KY: variants seen among roughly 807,000 people sequenced by gnomAD.
KY encodes kyphoscoliosis peptidase.
In KY, 43 loss-of-function variants were observed where a neutral mutation model predicts 76.1. The ratio of observed to expected loss-of-function variants is 0.57; its 90% CI spans 0.44 to 0.73. The LOEUF is 0.73. Ranked by LOEUF, KY falls within the 30% of genes least tolerant of loss-of-function variation. KY has a pLI of 0.00. For synonymous variants in KY, 277 were observed against 326.2 expected, an observed-to-expected ratio of 0.85 and a Z score of 1.63; for missense variants, 722 against 828.9, an observed-to-expected ratio of 0.87 and a Z score of 1.58.
intron 7 of KY, 96 bp from the exon 8 acceptor site, chr3:134,619,361 C>T: frequency 1.2e-6 from 1 of 865,270 alleles, no homozygotes. Context: ...TCACCAGCCC[C>T]AGGAAACTAC....
intron 3 of KY, among the ~76,000 whole-genome samples, chr3:134,640,892 A>G (rs961755100): frequency 7.2e-5 from 11 of 152,076 alleles, no homozygotes; most frequent in Non-Finnish European, 5.9e-5. Flanking sequence ...CCCTCTGTTT[A>G]TTCTCTACGC....
intron 3 of KY, among the ~76,000 whole-genome samples, chr3:134,633,502 A>G (rs4437193): frequency 0.61 from 92,797 of 151,946 alleles, 28,966 homozygotes; most frequent in East Asian, 0.85. Context: ...AAGACAAACT[A>G]CTAGGATCAC....
chr3:134,635,668 C>T (rs1341026840), intron 3 of KY, among the ~76,000 whole-genome samples: 1 of 152,002 alleles, frequency 6.6e-6, no homozygotes, highest in Non-Finnish European at 1.5e-5. Flanking sequence ...GTGGTGGTTT[C>T]ACAAATCTAT....
rs1293168099 is a variant in KY at position 134,603,633 on chromosome 3, A to G, written c.1932T>C (p.Asn644=). The change falls in exon 11 of 11, where the codon AAT becomes AAC. Residue 644 remains asparagine, a synonymous_variant. Coordinates refer to ENST00000423778, the MANE Select transcript of KY (RefSeq NM_178554.6). ...CQEVYVMVLE[N]ANHNFYSYIL... ...TGTAGGAGTAGAAATTGTGGTTGGC[A>G]TTCTCCAGCACCATGACATAGACTT... 1.2e-6 allele frequency: 2 copies of G among 1,606,658 alleles called. No individual in the cohort carries two copies. Among genetic ancestry groups the G allele is most frequent in the African/African-American group, 2.7e-5 (2 of 74,710 alleles).
At chr3:134,608,135 C>T (rs1577590440) in intron 10 of KY, 1 of 1,134,204 alleles carries the variant, frequency 8.8e-7, no homozygotes, top group South Asian at 2.0e-5. Flanking sequence ...GGACCACCAA[C>T]ACCCAGATTC....
rs1375975219 is a variant in KY, at chr3:134,604,101, C to G, written c.1464G>C (p.Glu488Asp). The G allele has an allele frequency of 6.2e-7, 1 of 1,612,070 alleles. No individual in the cohort carries two copies. The highest frequency in any genetic ancestry group is 8.5e-7 in the Non-Finnish European group (1 of 1,178,912). ...GRCSISFSVE[E>D]GINVLASLHG... ...GGAGGGAAGCCAGGACATTAATGCCCTCCTCCACGCTGAAGCTGATGGAGC... is the reference window on the plus strand; with the variant it reads ...GGAGGGAAGCCAGGACATTAATGCCGTCCTCCACGCTGAAGCTGATGGAGC... The change falls in exon 11 of 11, where the codon GAG (glutamate) becomes GAC (aspartate). Residue 488 changes from glutamate to aspartate, a missense_variant. Glu to Asp is a conservative substitution (Grantham distance 45). Around this residue, in one of 2 missense-constraint regions of KY, gnomAD observed 552 missense variants for 680.9 expected, o/e 0.81. Transcript: ENST00000423778.
chr3:134,620,709 C>A (rs1189852871), intron 7 of KY, 40 bp downstream of exon 7: 1 of 1,440,212 alleles, frequency 6.9e-7, no homozygotes. Flanking sequence ...GGAATGGAAG[C>A]AAGGGATTCT....
Position 134,620,743 on chromosome 3 carries a change from G to C in KY, c.592+6C>G. 1 of 1,605,930 alleles carries C rather than the reference G, an allele frequency of 6.2e-7. No individual in the cohort carries two copies. The highest frequency in any genetic ancestry group is 8.5e-7 in the Non-Finnish European group (1 of 1,173,260). On this transcript the variant is annotated splice_donor_region_variant and intron_variant, in intron 7 of 10. Coordinates refer to ENST00000423778, the MANE Select transcript of KY (RefSeq NM_178554.6). ...CTAGAGCCAGAAATTCCACAGGGGG[G>C]CCTACCTATGTGATGGCAGATCCAG...
At chr3:134,630,693 G>A (rs1319008249) in intron 3 of KY, among the ~76,000 whole-genome samples, 1 of 152,210 alleles carries the variant, frequency 6.6e-6, no homozygotes, top group Non-Finnish European at 1.5e-5. Context: ...ACTGGGTGGT[G>A]CACATGCAGG....
At chr3:134,634,600 C>T (rs1303765075) in intron 3 of KY, among the ~76,000 whole-genome samples, 8 of 152,174 alleles carry the variant, frequency 5.3e-5, no homozygotes, top group Admixed American at 1.3e-4. Context: ...CAAGTTAAAA[C>T]CAAAATGAGA....
chr3:134,633,338 C>T (rs944623733), intron 3 of KY, among the ~76,000 whole-genome samples: 1 of 151,982 alleles, frequency 6.6e-6, no homozygotes, highest in Non-Finnish European at 1.5e-5. Flanking sequence ...TAAATGTAAA[C>T]ACAAAAATCT....
intron 8 of KY, among the ~76,000 whole-genome samples, chr3:134,614,635 C>G (rs1055603103): frequency 3.3e-5 from 5 of 152,106 alleles, no homozygotes. Context: ...AACCCTGAAG[C>G]TGCTGAGTCT....
chr3:134,636,949 A>G (rs946653744), intron 3 of KY, among the ~76,000 whole-genome samples: 57 of 152,218 alleles, frequency 3.7e-4, no homozygotes, highest in African/African-American at 1.4e-3. Flanking sequence ...TTGATTTTGT[A>G]AAACCTCCTT....
intron 7 of KY, 64 bp downstream of exon 7, chr3:134,620,685 G>T: frequency 8.7e-7 from 1 of 1,146,934 alleles, no homozygotes; most frequent in Non-Finnish European, 1.3e-6. Flanking sequence ...GCTGATAGGA[G>T]CAGAGGCCTG....
chr3:134,610,874 A>G (rs546863474), intron 8 of KY, among the ~76,000 whole-genome samples: 3 of 152,292 alleles, frequency 2.0e-5, no homozygotes. Flanking sequence ...GTCTCGTGAC[A>G]TGGGTGAGGT....
At chr3:134,613,522 C>T (rs991833185) in intron 8 of KY, among the ~76,000 whole-genome samples, 1 of 152,184 alleles carries the variant, frequency 6.6e-6, no homozygotes, top group African/African-American at 2.4e-5. Flanking sequence ...TGGTGGTCAC[C>T]TCTAGAGTGA....
intron 8 of KY, 191 bp from the exon 9 acceptor site, chr3:134,610,574 C>T (rs534647648): frequency 2.2e-5 from 13 of 586,064 alleles, no homozygotes; most frequent in Admixed American, 1.5e-4. Context: ...CAGGGAGATA[C>T]AGTGCTGGCT....
Position 134,601,996 on chromosome 3 carries a change from T to A in KY, c.*1583A>T, listed in dbSNP as rs1422316358. ...AGCATCTGGTACTTCTGTGAGCATTTGTTGGATACAGGGATGTGAGGGTGA... is the reference window on the plus strand; with the variant it reads ...AGCATCTGGTACTTCTGTGAGCATTAGTTGGATACAGGGATGTGAGGGTGA... On this transcript the variant is annotated 3_prime_UTR_variant, in exon 11 of 11. Transcript: ENST00000423778. Among the ~76,000 whole-genome samples the A allele has an allele frequency of 1.6e-5, 1 of 63,878 alleles. No individual in the cohort carries two copies. The highest frequency in any genetic ancestry group is 3.4e-5 in the Non-Finnish European group (1 of 29,512). The allele number at this position is 63,878 out of a possible 152,430, so 41.9% of individuals were successfully genotyped here.
chr3:134,640,700 T>C (rs2107988574), intron 3 of KY, among the ~76,000 whole-genome samples: 1 of 152,246 alleles, frequency 6.6e-6, no homozygotes, highest in African/African-American at 2.4e-5. Flanking sequence ...CAAAGCCAAA[T>C]TTGAATTCAT....
Sources: allele counts gnomAD v4.1 joint callset (sites outside exome capture counted in the v4.1 genomes callset), GRCh38; gene constraint gnomAD v4.1.1; regional missense constraint gnomAD v4.1.1; transcripts MANE v1.5; gene names NCBI Gene and HGNC (gene_info 2026-07-23, HGNC 2026-07-21).